Variants in TARP observed in about 807,000 individuals in gnomAD.
At chr7:38,265,854 C>T in the TARP span, among the ~76,000 whole-genome samples, 1 of 151,196 alleles carries the variant, frequency 6.6e-6, no homozygotes, top group Non-Finnish European at 1.5e-5. Flanking sequence ...GCTTATTTTA[C>T]AGATGTTGAA....
chr7:38,268,784 T>C, the TARP span, among the ~76,000 whole-genome samples: 1 of 151,670 alleles, frequency 6.6e-6, no homozygotes, highest in African/African-American at 2.4e-5. Flanking sequence ...AACCTTCCAT[T>C]TGAGCAGTTA....
chr7:38,267,787 T>C, the TARP span, among the ~76,000 whole-genome samples: 1 of 151,390 alleles, frequency 6.6e-6, no homozygotes, highest in East Asian at 1.9e-4. Flanking sequence ...AATTGTAGTC[T>C]CTAGTCAATA....
At chr7:38,264,969 T>C in the TARP span, among the ~76,000 whole-genome samples, 2 of 151,350 alleles carry the variant, frequency 1.3e-5, no homozygotes, top group South Asian at 4.2e-4. Flanking sequence ...AAGACATATA[T>C]ATGTTATTTC....
chr7:38,264,542 G>T, the TARP span, among the ~76,000 whole-genome samples: 1 of 150,020 alleles, frequency 6.7e-6, no homozygotes, highest in African/African-American at 2.5e-5. Flanking sequence ...AGTGAGCTGA[G>T]ATCATACCAT....
At chr7:38,271,390 TG>T in the TARP span, among the ~76,000 whole-genome samples, 1 of 151,298 alleles carries the variant, frequency 6.6e-6, no homozygotes, top group Non-Finnish European at 1.5e-5. Flanking sequence ...TCTCACAACA[TG>T]GGGAGGTGCC....
At chr7:38,261,991 C>A in the TARP span, among the ~76,000 whole-genome samples, 1 of 151,536 alleles carries the variant, frequency 6.6e-6, no homozygotes, top group East Asian at 1.9e-4. Context: ...ACAGTCATCT[C>A]ATACCCCAAA....
chr7:38,265,645 G>C, the TARP span: 2 of 1,606,990 alleles, frequency 1.2e-6, no homozygotes, highest in South Asian at 2.2e-5. Flanking sequence ...AAAAATAGTG[G>C]GCTTGGGGGA....
At chr7:38,273,601 T>C in the TARP span, 1 of 1,598,222 alleles carries the variant, frequency 6.3e-7, no homozygotes, top group Non-Finnish European at 8.5e-7. Context: ...AATGATAAGC[T>C]TTGTTCCGGG....
At chr7:38,269,930 T>C in the TARP span, among the ~76,000 whole-genome samples, 3 of 151,836 alleles carry the variant, frequency 2.0e-5, no homozygotes, top group African/African-American at 4.8e-5. Flanking sequence ...TGAGACCCCA[T>C]ATTCACTAAA....
the TARP span, among the ~76,000 whole-genome samples, chr7:38,269,859 G>A: frequency 1.3e-5 from 2 of 152,120 alleles, no homozygotes; most frequent in African/African-American, 4.8e-5. Context: ...CAGCACTTTG[G>A]GAGGCTGAGG....
chr7:38,262,526 C>T, the TARP span, among the ~76,000 whole-genome samples: 1 of 151,650 alleles, frequency 6.6e-6, no homozygotes, highest in East Asian at 1.9e-4. Flanking sequence ...GTGACTGCCA[C>T]AAAGTATGTT....
At chr7:38,262,264 G>T in the TARP span, 6 of 1,408,548 alleles carry the variant, frequency 4.3e-6, no homozygotes, top group Non-Finnish European at 5.0e-6. Context: ...GTGTGTGTGT[G>T]TGTAATTAAA....
chr7:38,262,969 T>A, the TARP span, among the ~76,000 whole-genome samples: 1 of 151,600 alleles, frequency 6.6e-6, no homozygotes. Flanking sequence ...AAGAATTCTT[T>A]CAGTCCTTGA....
At chr7:38,268,250 A>C in the TARP span, among the ~76,000 whole-genome samples, 1 of 151,360 alleles carries the variant, frequency 6.6e-6, no homozygotes, top group East Asian at 1.9e-4. Context: ...ATTTATGTAC[A>C]TTTATTTGCA....
the TARP span, among the ~76,000 whole-genome samples, chr7:38,261,111 G>A: frequency 6.6e-6 from 1 of 151,776 alleles, no homozygotes; most frequent in Non-Finnish European, 1.5e-5. Flanking sequence ...CTCACAAAAT[G>A]TAGGTCACTT....
chr7:38,263,478 G>A, the TARP span, among the ~76,000 whole-genome samples: 2 of 151,626 alleles, frequency 1.3e-5, 1 homozygote. Context: ...TGTACTCTAA[G>A]AAAATCTCTT....
At chr7:38,270,140 T>A in the TARP span, among the ~76,000 whole-genome samples, 1 of 151,928 alleles carries the variant, frequency 6.6e-6, no homozygotes, top group South Asian at 2.1e-4. Context: ...ATTATGATGA[T>A]GATGATGTCA....
the TARP span, among the ~76,000 whole-genome samples, chr7:38,268,556 A>G: frequency 6.6e-6 from 1 of 151,312 alleles, no homozygotes; most frequent in Non-Finnish European, 1.5e-5. Context: ...CCTGAGACAT[A>G]TGAACAGAAC....
chr7:38,265,719 G>C, the TARP span: 1 of 1,399,438 alleles, frequency 7.1e-7, no homozygotes, highest in Non-Finnish European at 9.7e-7. Flanking sequence ...AGAATCATTA[G>C]AGAAACACAC....
Sources: gnomAD v4.1 joint callset for allele counts (sites outside exome capture counted in the v4.1 genomes callset) on GRCh38, gnomAD v4.1.1 for gene constraint, MANE v1.5 for transcripts.